The following REPS2 variants were observed in gnomAD, a reference collection of about 807,000 sequenced individuals.
REPS2 encodes ralBP1-associated Eps domain-containing protein 2.
Under a neutral mutation model 53.6 loss-of-function variants are expected in REPS2, and 23 were observed. The ratio of observed to expected loss-of-function variants is 0.43; its 90% CI spans 0.31 to 0.61. REPS2 has a LOEUF of 0.61. REPS2 is among the 20% of genes least tolerant of loss of function. The pLI is 0.11. For synonymous variants in REPS2, 238 were observed against 218.6 expected, an observed-to-expected ratio of 1.09 and a Z score of -0.78; for missense variants, 446 against 534.9, an observed-to-expected ratio of 0.83 and a Z score of 1.64.
intron 17 of REPS2, among the ~76,000 whole-genome samples, chrX:17,146,084 G>C (rs1441550790): frequency 1.9e-5 from 2 of 105,530 alleles, no homozygotes; most frequent in Non-Finnish European, 3.9e-5. Flanking sequence ...ACTCCAGCCT[G>C]GGCGACAGAG....
intron 2 of REPS2, among the ~76,000 whole-genome samples, chrX:17,019,661 G>C (rs781433203): frequency 1.8e-5 from 2 of 109,994 alleles, no homozygotes; most frequent in Non-Finnish European, 3.8e-5. Flanking sequence ...CCATCTTTAC[G>C]AAAAATAAAA....
chrX:17,035,726 C>T (rs1425268522), intron 5 of REPS2, among the ~76,000 whole-genome samples: 1 of 111,168 alleles, frequency 9.0e-6, no homozygotes, highest in Non-Finnish European at 1.9e-5. Flanking sequence ...CACAGCCACT[C>T]ATCCCAGGGG....
chrX:17,106,162 A>T (rs1222561780), intron 14 of REPS2, among the ~76,000 whole-genome samples: 2 of 111,942 alleles, frequency 1.8e-5, no homozygotes, highest in Non-Finnish European at 3.8e-5. Flanking sequence ...GTGTGCAAAA[A>T]GCACAAGCAT....
chrX:17,000,607 G>C (rs1240131833), intron 1 of REPS2, among the ~76,000 whole-genome samples: 1 of 112,080 alleles, frequency 8.9e-6, no homozygotes, highest in Non-Finnish European at 1.9e-5. Context: ...GGTATTTTAG[G>C]CTTTGCAGGC....
chrX:17,160,601 A>G, the REPS2 span, among the ~76,000 whole-genome samples: 1 of 112,439 alleles, frequency 8.9e-6, no homozygotes, highest in Admixed American at 9.4e-5. Flanking sequence ...AGGCTGTTAT[A>G]TCCCCCAAAC....
intron 1 of REPS2, among the ~76,000 whole-genome samples, chrX:16,959,088 A>ATG (rs1159495260): frequency 2.7e-5 from 3 of 111,633 alleles, no homozygotes; most frequent in South Asian, 7.5e-4. Context: ...ATATGGAAGT[A>ATG]TGTGTGTGTG....
chrX:16,987,043 G>A (rs2061100533), intron 1 of REPS2, among the ~76,000 whole-genome samples: 1 of 108,795 alleles, frequency 9.2e-6, no homozygotes, highest in African/African-American at 3.4e-5. Flanking sequence ...CCCAGTAGCT[G>A]GAACTACGGG....
At chrX:17,135,078 A>G (rs905027174) in intron 15 of REPS2, among the ~76,000 whole-genome samples, 183 bp from the exon 16 acceptor site, 1 of 110,571 alleles carries the variant, frequency 9.0e-6, no homozygotes, top group African/African-American at 3.3e-5. Flanking sequence ...AAAAGAAAAA[A>G]GGGAAGACCA....
chrX:17,028,745 T>C (rs2061675923), intron 4 of REPS2, among the ~76,000 whole-genome samples: 1 of 112,416 alleles, frequency 8.9e-6, no homozygotes, highest in African/African-American at 3.2e-5. Context: ...TAAAACATTT[T>C]ACTTATTTAT....
intron 12 of REPS2, among the ~76,000 whole-genome samples, chrX:17,075,227 C>T (rs1037559259): frequency 8.9e-6 from 1 of 111,952 alleles, no homozygotes; most frequent in Non-Finnish European, 1.9e-5. Context: ...CTAGTCTGTA[C>T]TAGTTGTGGG....
At position 17,080,155 on chromosome X, in the gene REPS2, A is replaced by G. The variant is rs1030180802; in HGVS notation, c.1516+2748A>G. Among the ~76,000 whole-genome samples the G allele has an allele frequency of 3.6e-5, 4 of 111,207 alleles. No homozygotes were observed. The Admixed American group carries it at 3.8e-4, about 11-fold the overall frequency. On this transcript the variant is annotated intron_variant, in intron 13 of 17. Coordinates refer to ENST00000357277, the MANE Select transcript of REPS2 (RefSeq NM_004726.3). ...TTGCACCGTTCCCTTTAAGGTGTGC[A>G]TGATATGGATATACCATGGTTGACT...
intron 1 of REPS2, among the ~76,000 whole-genome samples, chrX:16,995,211 T>C (rs185146738): frequency 2.7e-5 from 3 of 112,441 alleles, no homozygotes; most frequent in Non-Finnish European, 5.6e-5. Context: ...CTAACTTGCA[T>C]CTGTCTCTGG....
intron 13 of REPS2, 137 bp downstream of exon 13, chrX:17,077,544 C>T: frequency 1.7e-6 from 1 of 588,414 alleles, no homozygotes. Context: ...CTTCACGTGG[C>T]TATGGTATTC....
intron 1 of REPS2, among the ~76,000 whole-genome samples, chrX:16,951,461 AGTT>A (rs2147596058): frequency 9.4e-6 from 1 of 106,090 alleles, no homozygotes; most frequent in South Asian, 4.3e-4. Context: ...TGAGCCCAGG[AGTT>A]CTAGACTAGC....
At chrX:17,117,985 A>T in intron 14 of REPS2, among the ~76,000 whole-genome samples, 1 of 61,920 alleles carries the variant, frequency 1.6e-5, no homozygotes, top group Non-Finnish European at 2.7e-5. Context: ...TTTGAGACGG[A>T]GTCTCGCTCT....
intron 6 of REPS2, among the ~76,000 whole-genome samples, chrX:17,049,894 G>T (rs980136929): frequency 6.4e-5 from 7 of 108,883 alleles, no homozygotes; most frequent in Non-Finnish European, 1.3e-4. Context: ...TTGATGAAAG[G>T]ATTTTTTTTT....
At chrX:17,165,454 CT>C in the REPS2 span, among the ~76,000 whole-genome samples, 3 of 111,220 alleles carry the variant, frequency 2.7e-5, no homozygotes, top group East Asian at 5.7e-4. Flanking sequence ...TTGTTCTCCC[CT>C]TGGGCATTTA....
chrX:16,993,271 G>A, intron 1 of REPS2, among the ~76,000 whole-genome samples: 1 of 112,289 alleles, frequency 8.9e-6, no homozygotes, highest in African/African-American at 3.2e-5. Context: ...TATTGTGACA[G>A]CCTCCCCATT....
At chrX:17,146,764 C>T (rs756012307) in intron 17 of REPS2, among the ~76,000 whole-genome samples, 1 of 111,966 alleles carries the variant, frequency 8.9e-6, no homozygotes, top group East Asian at 2.8e-4. Context: ...TTCTTTCCCA[C>T]CTTGACTGAT....
Sources: allele counts gnomAD v4.1 joint callset (sites outside exome capture counted in the v4.1 genomes callset), GRCh38; gene constraint gnomAD v4.1.1; transcripts MANE v1.5; gene names NCBI Gene and HGNC (gene_info 2026-07-23, HGNC 2026-07-21).